Variants in MYO18B observed in about 807,000 individuals in gnomAD.
MYO18B encodes the protein myosin XVIIIB.
A neutral mutation model predicts 273.0 loss-of-function variants in MYO18B; 204 were observed. The ratio of observed to expected loss-of-function variants is 0.75; its 90% CI spans 0.67 to 0.84. The LOEUF (loss-of-function observed/expected upper bound fraction) is 0.84, where lower values mean the gene tolerates loss of function less well. Among genes scored for constraint, MYO18B ranks in the 40% least tolerant of loss-of-function variants. The probability of loss-of-function intolerance (pLI) is 0.00; values close to 1 mark genes in which losing one functional copy is unlikely to be tolerated. For missense variants in MYO18B, 3,212 were observed against 3,287.6 expected (o/e 0.98, Z 0.56); for synonymous variants, 1,330 against 1,305.7 (o/e 1.02, Z -0.40).
Position 25,874,431 on chromosome 22 carries a change from C to G in MYO18B, c.4080+17C>G. ...AAGCTGAAGGTACTGCATGCCGTTCCCATGAGGAGTCTGATCCAACGGGTC... is the reference window on the plus strand; with the variant it reads ...AAGCTGAAGGTACTGCATGCCGTTCGCATGAGGAGTCTGATCCAACGGGTC... On this transcript the variant is annotated intron_variant, in intron 23 of 43. Transcript: ENST00000335473. The G allele has an allele frequency of 6.2e-7, 1 of 1,608,618 alleles. No homozygotes were observed. Among genetic ancestry groups the G allele is most frequent in the Non-Finnish European group, 8.5e-7 (1 of 1,177,170 alleles).
Position 25,746,896 on chromosome 22 carries a change from C to T in MYO18B, c.-110+4603C>T, listed in dbSNP as rs906374544. Among the ~76,000 whole-genome samples, 10 of 152,212 alleles carry T rather than the reference C, an allele frequency of 6.6e-5. No individual in the cohort carries two copies. The East Asian group carries it at 1.6e-3, about 24-fold the overall frequency. ...CAGCACTTTGGGAGGCCAAGGCAGG[C>T]GGATCACGAGGTCAGGAGATCGAGA... On this transcript the variant is annotated intron_variant, in intron 1 of 43. Transcript: ENST00000335473.
In MYO18B at chr22:26,026,611, G is replaced by A. The variant is rs560154518; in HGVS notation, c.6637G>A (p.Val2213Ile). The change falls in exon 43 of 44, where the codon GTC becomes ATC. Residue 2213 changes from valine (V) to isoleucine (I), a missense_variant. Physicochemically the swap from Val to Ile is conservative, Grantham distance 29 (BLOSUM62 3). Coordinates refer to ENST00000335473, the MANE Select transcript of MYO18B (RefSeq NM_032608.7). ...TTTTGGGGACGGCGAAGTGCTTGCCGTCCAGAGAAAGTCCACAGAGAGATT... is the reference window on the plus strand; with the variant it reads ...TTTTGGGGACGGCGAAGTGCTTGCCATCCAGAGAAAGTCCACAGAGAGATT... ...CHFGDGEVLA[V>I]QRKSTERLEP... 113 of 1,613,810 alleles carry A rather than the reference G, an allele frequency of 7.0e-5. No homozygotes were observed. The African/African-American group carries it at 7.5e-4, about 11-fold the overall frequency.
intron 40 of MYO18B, among the ~76,000 whole-genome samples, chr22:25,999,781 G>A (rs1198204237): frequency 6.6e-6 from 1 of 151,354 alleles, no homozygotes; most frequent in Admixed American, 6.6e-5. Context: ...TCAGCCTCCC[G>A]AGTAGCTGGG....
the MYO18B span, among the ~76,000 whole-genome samples, chr22:26,043,511 C>CTTTTT: frequency 8.1e-6 from 1 of 123,002 alleles, no homozygotes; most frequent in Admixed American, 8.4e-5. Flanking sequence ...TTTTTTCTTT[C>CTTTTT]TTTTTTTTTT....
At chr22:25,777,551 T>G (rs750609774) in intron 7 of MYO18B, 32 bp from the exon 8 acceptor site, 6 of 1,549,734 alleles carry the variant, frequency 3.9e-6, no homozygotes, top group South Asian at 1.2e-5. Flanking sequence ...AGTGGCTGGA[T>G]GGGATGGCTG....
intron 12 of MYO18B, among the ~76,000 whole-genome samples, chr22:25,817,549 G>A (rs1347771225): frequency 6.6e-6 from 1 of 151,640 alleles, no homozygotes; most frequent in Non-Finnish European, 1.5e-5. Context: ...TACCAAAGGA[G>A]TGACCTGACA....
intron 1 of MYO18B, among the ~76,000 whole-genome samples, 189 bp downstream of exon 1, chr22:25,742,482 C>G (rs906851592): frequency 9.2e-5 from 14 of 152,074 alleles, no homozygotes; most frequent in African/African-American, 3.4e-4. Flanking sequence ...ACTTTGAAAA[C>G]AAGAGTGTTT....
At chr22:26,047,420 C>G in the MYO18B span, among the ~76,000 whole-genome samples, 1 of 152,032 alleles carries the variant, frequency 6.6e-6, no homozygotes, top group East Asian at 1.9e-4. Flanking sequence ...GCCACCGCGC[C>G]CAGCCAGTTG....
intron 12 of MYO18B, among the ~76,000 whole-genome samples, chr22:25,809,949 A>G (rs1178611918): frequency 4.6e-5 from 7 of 151,808 alleles, no homozygotes; most frequent in South Asian, 4.2e-4. Context: ...GAATACGTCA[A>G]TGTTGTATGT....
chr22:25,902,851 G>T, intron 30 of MYO18B, 115 bp downstream of exon 30: 1 of 1,209,566 alleles, frequency 8.3e-7, no homozygotes, highest in Non-Finnish European at 1.1e-6. Flanking sequence ...GGGTATCCTG[G>T]TCTGTCAAGC....
At chr22:25,918,220 C>T (rs1464813579) in intron 33 of MYO18B, among the ~76,000 whole-genome samples, 1 of 152,172 alleles carries the variant, frequency 6.6e-6, no homozygotes, top group Non-Finnish European at 1.5e-5. Context: ...CTCCAAGCCT[C>T]AATTTCCCCA....
At chr22:25,778,814 A>G (rs1443231688) in intron 8 of MYO18B, among the ~76,000 whole-genome samples, 2 of 148,772 alleles carry the variant, frequency 1.3e-5, no homozygotes, top group African/African-American at 5.0e-5. Context: ...TTTTTAATCT[A>G]AAACAGCCCT....
chr22:25,935,386 C>T (rs895053724), intron 34 of MYO18B, among the ~76,000 whole-genome samples: 3 of 152,108 alleles, frequency 2.0e-5, no homozygotes, highest in African/African-American at 7.2e-5. Flanking sequence ...GGCATGCCCT[C>T]CTGAGGCAAC....
At chr22:25,765,871 T>C (rs943744599) in intron 3 of MYO18B, among the ~76,000 whole-genome samples, 1 of 152,180 alleles carries the variant, frequency 6.6e-6, no homozygotes, top group East Asian at 1.9e-4. Context: ...GACTTACTTT[T>C]CAATATGGTG....
At chr22:26,034,791 C>T (rs8136157), downstream of MYO18B, among the ~76,000 whole-genome samples, 28,350 of 152,178 alleles carry the variant, frequency 0.19, 3,552 homozygotes, top group African/African-American at 0.36. Flanking sequence ...GGTAATTTTA[C>T]AGGTGGGGAA....
At chr22:25,762,119 A>G (rs2086343619) in intron 2 of MYO18B, among the ~76,000 whole-genome samples, 2 of 152,234 alleles carry the variant, frequency 1.3e-5, no homozygotes, top group South Asian at 2.1e-4. Context: ...AGAAAAAAAA[A>G]AAAAAGACTG....
At chr22:25,853,799 G>A (rs5996990) in intron 21 of MYO18B, among the ~76,000 whole-genome samples, 18 of 152,268 alleles carry the variant, frequency 1.2e-4, no homozygotes, top group African/African-American at 3.8e-4. Context: ...ATTACAAGGA[G>A]AATGGACTTG....
chr22:25,839,045 C>G (rs1221274873), intron 17 of MYO18B, among the ~76,000 whole-genome samples: 1 of 150,016 alleles, frequency 6.7e-6, no homozygotes, highest in Non-Finnish European at 1.5e-5. Flanking sequence ...TGAGTGTATA[C>G]ATGTGTGTGC....
At chr22:25,939,365 A>C (rs887145517) in intron 34 of MYO18B, among the ~76,000 whole-genome samples, 4 of 152,254 alleles carry the variant, frequency 2.6e-5, no homozygotes, top group Admixed American at 1.3e-4. Context: ...GTCAGCTTTA[A>C]GATACAACAG....
Sources: gnomAD v4.1 joint callset for allele counts (sites outside exome capture counted in the v4.1 genomes callset) on GRCh38, gnomAD v4.1.1 for gene constraint, MANE v1.5 for transcripts, NCBI Gene and HGNC (gene_info 2026-07-23, HGNC 2026-07-21) for gene names.